PTPRN2: variants seen among roughly 807,000 people sequenced by gnomAD.
PTPRN2 encodes protein tyrosine phosphatase receptor type N2, also known as receptor-type tyrosine-protein phosphatase N2.
Under a neutral mutation model 118.8 loss-of-function variants are expected in PTPRN2, and 74 were observed. The observed-to-expected ratio is 0.62, with a 90% CI of 0.52 to 0.76. The LOEUF is 0.76. Ranked by LOEUF, PTPRN2 falls within the 30% of genes least tolerant of loss-of-function variation. The pLI is 0.00. For missense variants in PTPRN2, 1,481 were observed against 1,394.4 expected (o/e 1.06, Z -0.99); for synonymous variants, 641 against 608.0 (o/e 1.05, Z -0.80).
intron 12 of PTPRN2, among the ~76,000 whole-genome samples, chr7:157,693,258 C>A (rs865806422): frequency 6.6e-6 from 1 of 151,956 alleles, no homozygotes; most frequent in Non-Finnish European, 1.5e-5. Context: ...TGTGTGCGCG[C>A]GTGTCTGATG....
At chr7:158,547,144 A>G (rs1229288154) in intron 1 of PTPRN2, among the ~76,000 whole-genome samples, 2 of 152,134 alleles carry the variant, frequency 1.3e-5, no homozygotes, top group African/African-American at 4.8e-5. Flanking sequence ...TTTTTTAACT[A>G]AACTTTTTTT....
At chr7:158,340,580 G>T (rs1281989315) in intron 2 of PTPRN2, among the ~76,000 whole-genome samples, 2 of 116,250 alleles carry the variant, frequency 1.7e-5, no homozygotes, top group African/African-American at 3.2e-5. Flanking sequence ...CACCATAAGA[G>T]CCGACGCCCG....
intron 1 of PTPRN2, among the ~76,000 whole-genome samples, chr7:158,537,313 G>A (rs749905210): frequency 4.6e-5 from 7 of 152,224 alleles, no homozygotes; most frequent in Non-Finnish European, 1.0e-4. Flanking sequence ...GCAAGGGTCA[G>A]GCATAAGGAA....
At chr7:158,493,268 CAT>C (rs1180135538) in intron 1 of PTPRN2, among the ~76,000 whole-genome samples, 2 of 152,260 alleles carry the variant, frequency 1.3e-5, no homozygotes, top group African/African-American at 4.8e-5. Context: ...CATGTGCACA[CAT>C]ATACATACAC....
chr7:157,916,717 C>A (rs986884080), intron 11 of PTPRN2, among the ~76,000 whole-genome samples: 1 of 152,306 alleles, frequency 6.6e-6, no homozygotes, highest in African/African-American at 2.4e-5. Context: ...GTCCCCTCCC[C>A]GGCTGAAGGT....
chr7:158,098,515 C>T (rs908493043), intron 10 of PTPRN2, among the ~76,000 whole-genome samples: 9 of 152,324 alleles, frequency 5.9e-5, no homozygotes, highest in African/African-American at 2.2e-4. Flanking sequence ...GCTCAGAATC[C>T]GTCTTCCGAC....
chr7:158,130,393 T>G (rs1818076459), intron 9 of PTPRN2, among the ~76,000 whole-genome samples: 1 of 141,186 alleles, frequency 7.1e-6, no homozygotes, highest in African/African-American at 2.7e-5. Flanking sequence ...ATGCACACAC[T>G]TCTACCCAAC....
chr7:158,579,068 C>A (rs1356936831), intron 1 of PTPRN2, among the ~76,000 whole-genome samples: 1 of 152,050 alleles, frequency 6.6e-6, no homozygotes, highest in Non-Finnish European at 1.5e-5. Context: ...TGGCCAAGTC[C>A]CACTTCTTTT....
chr7:158,542,203 T>G (rs1183964093), intron 1 of PTPRN2, among the ~76,000 whole-genome samples: 1 of 152,234 alleles, frequency 6.6e-6, no homozygotes, highest in Non-Finnish European at 1.5e-5. Context: ...CAGCCTGGAG[T>G]GCAGTGGTGC....
In PTPRN2 at chr7:157,609,571, C is replaced by T. The variant is rs377328219; in HGVS notation, c.2345-5496G>A. ...AGACTCATAAGGATGGAACGATTCA[C>T]GTGGCCACGGCCTCGTGGTCCACAG... is the stretch of plus-strand genomic sequence containing the variant. On this transcript the variant is annotated intron_variant, in intron 15 of 22. Transcript: ENST00000389418. The surrounding 1 kb of genome is among the most constrained non-coding windows in gnomAD (Gnocchi z 4.9). Among the ~76,000 whole-genome samples, 2 of 152,198 alleles carry T rather than the reference C, an allele frequency of 1.3e-5. No homozygotes were observed. Among genetic ancestry groups the T allele is most frequent in the Non-Finnish European group, 1.5e-5 (1 of 68,042 alleles).
At chr7:157,887,391 A>T (rs1397661316) in intron 12 of PTPRN2, among the ~76,000 whole-genome samples, 1 of 151,152 alleles carries the variant, frequency 6.6e-6, no homozygotes, top group Non-Finnish European at 1.5e-5. Context: ...GAAATGACAA[A>T]AGATGCCCAC....
intron 12 of PTPRN2, among the ~76,000 whole-genome samples, chr7:157,798,885 G>A (rs1342055652): frequency 2.0e-5 from 3 of 152,092 alleles, no homozygotes; most frequent in Non-Finnish European, 2.9e-5. Context: ...ACATCCCATC[G>A]GCTCCACTCA....
chr7:157,633,756 G>T (rs990602908), intron 14 of PTPRN2, among the ~76,000 whole-genome samples: 4 of 152,234 alleles, frequency 2.6e-5, no homozygotes. Flanking sequence ...GAGGAGGGAA[G>T]GTCGGGGCTG....
intron 6 of PTPRN2, among the ~76,000 whole-genome samples, chr7:158,146,388 G>A (rs1433699654): frequency 1.3e-5 from 2 of 152,010 alleles, no homozygotes; most frequent in Admixed American, 6.6e-5. Flanking sequence ...ACCTGTATTG[G>A]GCATCTATTG....
At chr7:158,401,072 A>G (rs907198808) in intron 2 of PTPRN2, among the ~76,000 whole-genome samples, 3 of 152,074 alleles carry the variant, frequency 2.0e-5, no homozygotes, top group African/African-American at 7.2e-5. Context: ...TCTAAAAGAG[A>G]AAGCGGCACC....
At chr7:157,836,292 C>T (rs1307622844) in intron 12 of PTPRN2, among the ~76,000 whole-genome samples, 1 of 152,150 alleles carries the variant, frequency 6.6e-6, no homozygotes, top group Non-Finnish European at 1.5e-5. Flanking sequence ...GATGCACCTG[C>T]ATTTGTTGGA....
At position 157,893,111 on chromosome 7, in the gene PTPRN2, AAAG is replaced by A. The variant is rs2151308707; in HGVS notation, c.1788+5559_1788+5561del. Among the ~76,000 whole-genome samples the A allele has an allele frequency of 6.6e-6, 1 of 152,354 alleles. No homozygotes were observed. Among genetic ancestry groups the A allele is most frequent in the East Asian group, 1.9e-4 (1 of 5,190 alleles). ...CTCCAGCATTTGGTGGAACGAGAAC[AAAG>A]AAATGTCTGGAGAAGGCCAGGAAGA... On this transcript the variant is annotated intron_variant, in intron 12 of 22. Transcript: ENST00000389418. The surrounding 1 kb of genome is among the most constrained non-coding windows in gnomAD (Gnocchi z 4.0).
At chr7:158,326,369 T>G (rs1359109014) in intron 2 of PTPRN2, among the ~76,000 whole-genome samples, 2 of 152,216 alleles carry the variant, frequency 1.3e-5, no homozygotes, top group Non-Finnish European at 2.9e-5. Flanking sequence ...AAGATGCCAG[T>G]GGCAGACTCA....
intron 1 of PTPRN2, among the ~76,000 whole-genome samples, chr7:158,571,004 G>A (rs1291290944): frequency 6.6e-6 from 1 of 152,228 alleles, no homozygotes; most frequent in Middle Eastern, 3.2e-3. Flanking sequence ...CATGGCTGAC[G>A]CACTGGCAGG....
Sources: gnomAD v4.1 joint callset for allele counts (sites outside exome capture counted in the v4.1 genomes callset) on GRCh38, gnomAD v4.1.1 for gene constraint, Gnocchi (gnomAD v3.1) non-coding constraint, MANE v1.5 for transcripts, NCBI Gene and HGNC (gene_info 2026-07-23, HGNC 2026-07-21) for gene names.